Variants in TRIM2 observed in about 807,000 individuals in gnomAD.
TRIM2 encodes tripartite motif containing 2.
Under a neutral mutation model 75.2 loss-of-function variants are expected in TRIM2, and 20 were observed. The ratio of observed to expected loss-of-function variants is 0.27; its 90% CI spans 0.19 to 0.39. The LOEUF is 0.39. Ranked by LOEUF, TRIM2 falls within the 10% of genes least tolerant of loss-of-function variation. The pLI is 1.00. For synonymous variants in TRIM2, 373 were observed against 388.3 expected (o/e 0.96, Z 0.46); for missense variants, 660 against 990.8 (o/e 0.67, Z 4.48).
chr4:153,244,491 G>C (rs1748556150), intron 1 of TRIM2, among the ~76,000 whole-genome samples: 1 of 146,618 alleles, frequency 6.8e-6, no homozygotes, highest in Non-Finnish European at 1.5e-5. Flanking sequence ...GAACTCCTGG[G>C]CTCAAGCAAT....
chr4:153,307,834 A>C lies in TRIM2; in HGVS notation c.1511-7651A>C, dbSNP rs1483620797. 6 of 731,788 alleles carry C rather than the reference A, an allele frequency of 8.2e-6. No homozygotes were observed. The African/African-American group carries it at 1.0e-4, about 13-fold the overall frequency. The allele number at this position is 731,788 out of a possible 1,614,324, so 45.3% of individuals were successfully genotyped here. A position where few individuals can be genotyped will look rare whatever the true frequency, so the allele number is the denominator to read the frequency against. On this transcript the variant is annotated intron_variant, in intron 6 of 11. Transcript: ENST00000338700. The stretch of plus-strand genomic sequence containing the variant: ...ATGTAATAGTACAGGGACTTGCTAT[A>C]CTTTCTCTTGAATTCAGACCTAATT...
At chr4:153,323,667 A>G (rs1443249264) in intron 9 of TRIM2, among the ~76,000 whole-genome samples, 1 of 152,090 alleles carries the variant, frequency 6.6e-6, no homozygotes, top group Non-Finnish European at 1.5e-5. Flanking sequence ...TAAAAATTAC[A>G]TATTGGAGTC....
intron 1 of TRIM2, chr4:153,156,936 A>G (rs942898177): frequency 6.6e-6 from 1 of 152,290 alleles, no homozygotes; most frequent in African/African-American, 2.4e-5. Context: ...AGGAAGGCAG[A>G]TCACCTGCCT....
intron 1 of TRIM2, chr4:153,157,231 A>G (rs1579214231): frequency 6.6e-6 from 1 of 152,386 alleles, no homozygotes; most frequent in Non-Finnish European, 1.5e-5. Context: ...CCCACAGGCT[A>G]AGCAGGCAAA....
intron 1 of TRIM2, among the ~76,000 whole-genome samples, chr4:153,230,740 C>T (rs905017367): frequency 2.6e-5 from 4 of 152,172 alleles, no homozygotes; most frequent in Admixed American, 1.3e-4. Context: ...TTTCTCCATC[C>T]ATCCTATCAA....
chr4:153,306,266 C>G (rs1764977814), intron 6 of TRIM2, among the ~76,000 whole-genome samples: 1 of 152,102 alleles, frequency 6.6e-6, no homozygotes, highest in African/African-American at 2.4e-5. Context: ...TTAATGTATA[C>G]CACATATGGT....
At chr4:153,175,635 A>G (rs891657146) in intron 1 of TRIM2, among the ~76,000 whole-genome samples, 2 of 152,184 alleles carry the variant, frequency 1.3e-5, no homozygotes, top group Admixed American at 6.6e-5. Context: ...CATATGCAAC[A>G]TGATGTCTTT....
chr4:153,169,976 T>A (rs964779124), intron 1 of TRIM2, among the ~76,000 whole-genome samples: 1 of 152,226 alleles, frequency 6.6e-6, no homozygotes, highest in African/African-American at 2.4e-5. Flanking sequence ...AAAGAACAGA[T>A]GTGCACTTGT....
At chr4:153,243,554 T>C (rs1224551162) in intron 1 of TRIM2, among the ~76,000 whole-genome samples, 2 of 152,172 alleles carry the variant, frequency 1.3e-5, no homozygotes, top group Non-Finnish European at 2.9e-5. Flanking sequence ...AGATAGTAGT[T>C]AAAACCAAGT....
chr4:153,280,220 T>C (rs1283097239), intron 3 of TRIM2, among the ~76,000 whole-genome samples: 1 of 152,048 alleles, frequency 6.6e-6, no homozygotes, highest in Non-Finnish European at 1.5e-5. Context: ...AGTATATATA[T>C]TTCTGCATTG....
chr4:153,244,893 T>C (rs1748705228), intron 1 of TRIM2, among the ~76,000 whole-genome samples: 1 of 152,224 alleles, frequency 6.6e-6, no homozygotes, highest in African/African-American at 2.4e-5. Context: ...TACAGCTAAA[T>C]CATTTGTGAT....
chr4:153,290,069 G>A (rs1473243034), intron 3 of TRIM2, among the ~76,000 whole-genome samples: 1 of 152,112 alleles, frequency 6.6e-6, no homozygotes, highest in Non-Finnish European at 1.5e-5. Flanking sequence ...TAAAATGTCT[G>A]GTAAAAGTAA....
intron 6 of TRIM2, among the ~76,000 whole-genome samples, chr4:153,298,875 A>C (rs1419213471): frequency 1.3e-5 from 2 of 151,958 alleles, no homozygotes; most frequent in Non-Finnish European, 2.9e-5. Flanking sequence ...CAGGGACCAC[A>C]GCTGCATGTC....
intron 6 of TRIM2, among the ~76,000 whole-genome samples, chr4:153,301,495 G>A (rs1011540508): frequency 5.9e-5 from 9 of 152,108 alleles, no homozygotes; most frequent in African/African-American, 2.2e-4. Flanking sequence ...TTAGTTTGAT[G>A]TAATTCCATG....
chr4:153,187,174 T>C (rs951666602), intron 1 of TRIM2, among the ~76,000 whole-genome samples: 9 of 152,194 alleles, frequency 5.9e-5, no homozygotes, highest in African/African-American at 2.2e-4. Flanking sequence ...TCACAAATCA[T>C]GTATGTGTAA....
chr4:153,243,345 C>T (rs1257448396), intron 1 of TRIM2, among the ~76,000 whole-genome samples: 3 of 152,206 alleles, frequency 2.0e-5, no homozygotes, highest in South Asian at 2.1e-4. Context: ...TGACTCTTTT[C>T]GTTGAGAGAG....
intron 6 of TRIM2, among the ~76,000 whole-genome samples, chr4:153,312,872 C>T (rs368824326): frequency 6.6e-6 from 1 of 152,116 alleles, no homozygotes; most frequent in Non-Finnish European, 1.5e-5. Flanking sequence ...AGAATTGTTT[C>T]TGTTTCTAGC....
chr4:153,281,499 A>T (rs12512249), intron 3 of TRIM2, among the ~76,000 whole-genome samples: 60,196 of 152,204 alleles, frequency 0.4, 14,073 homozygotes, highest in African/African-American at 0.66. Context: ...TTTGAAACAG[A>T]AGTCTTCATT....
chr4:153,276,621 T>G (rs1455129233), intron 3 of TRIM2, among the ~76,000 whole-genome samples: 1 of 152,254 alleles, frequency 6.6e-6, no homozygotes, highest in Non-Finnish European at 1.5e-5. Context: ...AACATATTTC[T>G]TGCTACTAGT....
Sources: allele counts gnomAD v4.1 joint callset (sites outside exome capture counted in the v4.1 genomes callset), GRCh38; gene constraint gnomAD v4.1.1; transcripts MANE v1.5; gene names NCBI Gene and HGNC (gene_info 2026-07-23, HGNC 2026-07-21).